The following THADA variants were observed in gnomAD, a reference collection of about 807,000 sequenced individuals.
THADA encodes tRNA (32-2'-O)-methyltransferase regulator THADA.
In THADA, 213 loss-of-function variants were observed where a neutral mutation model predicts 219.8. That is an observed-to-expected ratio of 0.97 (90% CI 0.87 to 1.09). The LOEUF (loss-of-function observed/expected upper bound fraction) is 1.09. Ranked by LOEUF, THADA falls within the 50% of genes least tolerant of loss-of-function variation. THADA has a pLI of 0.00. For synonymous variants in THADA, 1,018 were observed against 828.9 expected (o/e 1.23, Z -3.92); for missense variants, 2,956 against 2,311.3 (o/e 1.28, Z -5.72).
At chr2:43,509,933 T>A (rs1558879111) in intron 22 of THADA, among the ~76,000 whole-genome samples, 1 of 152,184 alleles carries the variant, frequency 6.6e-6, no homozygotes, top group Non-Finnish European at 1.5e-5. Flanking sequence ...TCGACACTCC[T>A]GTCCTCAGCC....
intron 30 of THADA, among the ~76,000 whole-genome samples, chr2:43,338,675 G>A (rs918439089): frequency 2.6e-5 from 4 of 152,050 alleles, no homozygotes; most frequent in Non-Finnish European, 5.9e-5. Context: ...TCCATGTTGT[G>A]GCATATGTTG....
chr2:43,387,811 G>T (rs976897775), intron 29 of THADA, among the ~76,000 whole-genome samples: 3 of 152,184 alleles, frequency 2.0e-5, no homozygotes, highest in Non-Finnish European at 4.4e-5. Context: ...AGGCTGAGAA[G>T]CCCTGCCACA....
chr2:43,409,273 C>T (rs1442594409), intron 28 of THADA, among the ~76,000 whole-genome samples: 3 of 152,004 alleles, frequency 2.0e-5, no homozygotes, highest in Non-Finnish European at 4.4e-5. Context: ...TTCACAGAAA[C>T]ACTTCAAGCT....
Position 43,533,220 on chromosome 2 carries a change from A to G in THADA, c.3265-5232T>C, listed in dbSNP as rs534819263. 2.0e-5 allele frequency among the ~76,000 whole-genome samples: 3 copies of G among 152,358 alleles called. No homozygotes were observed. In the South Asian group the frequency reaches 6.2e-4, roughly 32 times the overall value. On this transcript the variant is annotated intron_variant, in intron 21 of 37. Coordinates refer to ENST00000405975, the MANE Select transcript of THADA (RefSeq NM_022065.5). ...TCTCATGCCAGTTAGAATGGTAATC[A>G]TTAAAAAGTCTGGAAACAACAGATG...
At chr2:43,307,673 CT>C (rs1214153808) in intron 31 of THADA, among the ~76,000 whole-genome samples, 1 of 152,200 alleles carries the variant, frequency 6.6e-6, no homozygotes, top group African/African-American at 2.4e-5. Flanking sequence ...AAAAGCAAGT[CT>C]TGGAAGAATC....
chr2:43,306,717 G>C (rs1676906594), intron 31 of THADA, among the ~76,000 whole-genome samples: 1 of 152,224 alleles, frequency 6.6e-6, no homozygotes, highest in Admixed American at 6.5e-5. Context: ...GTTGTACTAG[G>C]AGTGCTCCTA....
Position 43,528,173 on chromosome 2 carries a change from C to T in THADA, c.3265-185G>A, listed in dbSNP as rs369166218. On this transcript the variant is annotated intron_variant, in intron 21 of 37. Coordinates refer to ENST00000405975, the MANE Select transcript of THADA (RefSeq NM_022065.5). ...TGAGATGGATTTTTGCTCTGTTGTC[C>T]AGGCTGGAGTGCAGTGGCACAGTCT... is the stretch of plus-strand genomic sequence containing the variant. Among the ~76,000 whole-genome samples the T allele has an allele frequency of 2.9e-5, 4 of 137,236 alleles. No individual in the cohort carries two copies. In the East Asian group the frequency reaches 8.1e-4, roughly 28 times the overall value. 90.0% of individuals were successfully genotyped at this position (137,236 alleles called of 152,430 possible). A position where few individuals can be genotyped will look rare whatever the true frequency, so the allele number is the denominator to read the frequency against.
intron 26 of THADA, among the ~76,000 whole-genome samples, chr2:43,437,584 T>G (rs987691482): frequency 1.3e-5 from 2 of 152,186 alleles, no homozygotes; most frequent in Non-Finnish European, 2.9e-5. Context: ...GAGCCAACAG[T>G]GTGATGTATT....
intron 26 of THADA, among the ~76,000 whole-genome samples, chr2:43,443,574 CT>C (rs1399217838): frequency 6.6e-6 from 1 of 152,084 alleles, no homozygotes; most frequent in Non-Finnish European, 1.5e-5. Context: ...AAAAACCAGC[CT>C]GGAAAACAAT....
intron 26 of THADA, among the ~76,000 whole-genome samples, chr2:43,458,287 T>G (rs1683247491): frequency 1.3e-5 from 2 of 152,150 alleles, no homozygotes; most frequent in African/African-American, 4.8e-5. Flanking sequence ...CAGGATTCCT[T>G]TTCCTTTCTT....
intron 28 of THADA, among the ~76,000 whole-genome samples, chr2:43,418,642 A>G (rs115460780): frequency 1.4e-4 from 21 of 152,266 alleles, no homozygotes; most frequent in African/African-American, 4.8e-4. Flanking sequence ...ATTCTATATG[A>G]GTTCTAGATC....
At chr2:43,455,989 C>G (rs1324182922) in intron 26 of THADA, among the ~76,000 whole-genome samples, 1 of 152,166 alleles carries the variant, frequency 6.6e-6, no homozygotes, top group Non-Finnish European at 1.5e-5. Flanking sequence ...GTTATTTGTG[C>G]AGACGAACTG....
At chr2:43,277,074 C>T (rs1298007896) in intron 36 of THADA, among the ~76,000 whole-genome samples, 1 of 152,156 alleles carries the variant, frequency 6.6e-6, no homozygotes, top group African/African-American at 2.4e-5. Context: ...AGCTGATTTC[C>T]CTGCCTGGCA....
chr2:43,438,710 C>T (rs1368867162), intron 26 of THADA, among the ~76,000 whole-genome samples: 1 of 152,186 alleles, frequency 6.6e-6, no homozygotes, highest in African/African-American at 2.4e-5. Flanking sequence ...TAGTCCCCCC[C>T]TTATCTGAGG....
At chr2:43,364,288 C>T (rs1241528340) in intron 29 of THADA, among the ~76,000 whole-genome samples, 1 of 151,984 alleles carries the variant, frequency 6.6e-6, no homozygotes, top group African/African-American at 2.4e-5. Flanking sequence ...ATATGACAGA[C>T]TTGAAGGGCC....
At position 43,292,907 on chromosome 2, in the gene THADA, G is replaced by C. The variant is rs779034241; in HGVS notation, c.4745C>G (p.Pro1582Arg). The change falls in exon 32 of 38, where the codon CCC becomes CGC. Residue 1582 changes from proline (P) to arginine (R), a missense_variant. Coordinates refer to ENST00000405975, the MANE Select transcript of THADA (RefSeq NM_022065.5). ...ASGLGEKGVP[P>R]LLCNMGEKFL... The stretch of plus-strand genomic sequence containing the variant: ...CTTCTCTCCCATGTTGCACAGCAAG[G>C]GTGGCACGCCCTTCTCTCCAAGTCC... 6.2e-7 allele frequency: 1 copy of C among 1,613,998 alleles called. No individual in the cohort carries two copies. The highest frequency in any genetic ancestry group is 8.5e-7 in the Non-Finnish European group (1 of 1,179,886).
In THADA at chr2:43,517,073, T is replaced by A. The variant is rs527277441; in HGVS notation, c.3375-8293A>T. 1.3e-4 allele frequency among the ~76,000 whole-genome samples: 20 copies of A among 152,258 alleles called. No homozygotes were observed. In the South Asian group the frequency reaches 4.1e-3, roughly 32 times the overall value. ...GTGGGGGTTAAAGTATTAATAGTTCTAAATGAACTGGGTGACATGAATAGA... is the reference window on the plus strand; with the variant it reads ...GTGGGGGTTAAAGTATTAATAGTTCAAAATGAACTGGGTGACATGAATAGA... On this transcript the variant is annotated intron_variant, in intron 22 of 37. Coordinates refer to ENST00000405975, the MANE Select transcript of THADA (RefSeq NM_022065.5).
intron 36 of THADA, among the ~76,000 whole-genome samples, chr2:43,259,131 G>A (rs1183627171): frequency 6.6e-6 from 1 of 152,192 alleles, no homozygotes; most frequent in Non-Finnish European, 1.5e-5. Context: ...CAAGTCAAGG[G>A]GAGGGGGTCA....
intron 21 of THADA, 114 bp downstream of exon 21, chr2:43,541,045 T>C (rs1695229025): frequency 4.9e-6 from 5 of 1,019,016 alleles, no homozygotes; most frequent in Admixed American, 7.3e-5. Flanking sequence ...TTAACATTTG[T>C]ATGATTTTAT....
Sources: allele counts gnomAD v4.1 joint callset (sites outside exome capture counted in the v4.1 genomes callset), GRCh38; gene constraint gnomAD v4.1.1; transcripts MANE v1.5; gene names NCBI Gene and HGNC (gene_info 2026-07-23, HGNC 2026-07-21).